Variants in TET3 observed in about 807,000 individuals in gnomAD.
TET3 encodes methylcytosine dioxygenase TET3.
In TET3, 19 loss-of-function variants were observed where a neutral mutation model predicts 141.4. The ratio of observed to expected loss-of-function variants is 0.13; its 90% CI spans 0.09 to 0.20. The LOEUF is 0.20. Among genes scored for constraint, TET3 ranks in the 10% least tolerant of loss-of-function variants. TET3 has a pLI of 1.00. For missense variants in TET3, 1,874 were observed against 2,356.9 expected, an observed-to-expected ratio of 0.80 and a Z score of 4.24; for synonymous variants, 1,043 against 980.9, an observed-to-expected ratio of 1.06 and a Z score of -1.18.
At chr2:74,083,859 A>G (rs991966292) in intron 6 of TET3, among the ~76,000 whole-genome samples, 2 of 152,174 alleles carry the variant, frequency 1.3e-5, no homozygotes, top group Non-Finnish European at 2.9e-5. Flanking sequence ...TGCCTCACAC[A>G]TGAGTGTGAT....
At chr2:74,001,316 TG>T (rs1186435169) in intron 2 of TET3, among the ~76,000 whole-genome samples, 1 of 152,154 alleles carries the variant, frequency 6.6e-6, no homozygotes, top group Admixed American at 6.5e-5. Context: ...AGCGAATCAC[TG>T]GGTCAGGGGC....
the TET3 span, chr2:74,134,579 G>A: frequency 2.4e-6 from 1 of 414,384 alleles, no homozygotes; most frequent in Non-Finnish European, 4.9e-6. Flanking sequence ...GCAAAGGAGT[G>A]TGAGAGAGGA....
intron 4 of TET3, among the ~76,000 whole-genome samples, chr2:74,060,941 G>A (rs1471755786): frequency 2.6e-5 from 4 of 152,172 alleles, no homozygotes; most frequent in Admixed American, 6.5e-5. Flanking sequence ...GCAACCATCC[G>A]ATTTCTCAAT....
intron 8 of TET3, among the ~76,000 whole-genome samples, chr2:74,091,477 G>T (rs76721198): frequency 0.018 from 2,774 of 152,306 alleles, 89 homozygotes; most frequent in African/African-American, 0.061. Flanking sequence ...AGCCCATGTG[G>T]CTAGTTCATG....
chr2:73,985,780 A>G (rs1351983245), intron 1 of TET3, among the ~76,000 whole-genome samples, 200 bp from the exon 2 acceptor site: 5 of 151,954 alleles, frequency 3.3e-5, no homozygotes, highest in African/African-American at 4.8e-5. Flanking sequence ...CAGGGCCCCC[A>G]GCAGCCCTCA....
chr2:74,054,636 T>C lies in TET3; in HGVS notation c.2494+6225T>C, dbSNP rs188776241. Among the ~76,000 whole-genome samples, 46 of 135,582 alleles carry C rather than the reference T, an allele frequency of 3.4e-4. No individual in the cohort carries two copies. In the East Asian group the frequency reaches 9.8e-3, roughly 29 times the overall value. The allele number at this position is 135,582 out of a possible 152,430, so 88.9% of individuals were successfully genotyped here. On this transcript the variant is annotated intron_variant, in intron 4 of 11. Coordinates refer to ENST00000409262, the MANE Select transcript of TET3 (RefSeq NM_001287491.2). ...CAAAAAGAAGCCCCAGAATGGAAGTTACCACCATTTAGGGGAGAGGAGCTC... is the reference window on the plus strand; with the variant it reads ...CAAAAAGAAGCCCCAGAATGGAAGTCACCACCATTTAGGGGAGAGGAGCTC...
At position 73,984,959 on chromosome 2, in the gene TET3, GCTGCCT is replaced by G. The variant is rs1683922707; in HGVS notation, c.-620_-615del. Reference sequence around the variant, plus strand: ...TGCTGCTGCTGCCGCCGCGGCCGCCGCTGCCTCTTCCTTCCTCCTGCGCCGTCCCCT... The same window carrying G: ...TGCTGCTGCTGCCGCCGCGGCCGCCGCTTCCTTCCTCCTGCGCCGTCCCCT... On this transcript the variant is annotated 5_prime_UTR_variant, in exon 1 of 12. Coordinates refer to ENST00000409262, the MANE Select transcript of TET3 (RefSeq NM_001287491.2). This position sits in a 1 kb window ranked among gnomAD's most constrained non-coding sequence, Gnocchi z 5.6. 6.8e-6 allele frequency among the ~76,000 whole-genome samples: 1 copy of G among 146,916 alleles called. No homozygotes were observed. Among genetic ancestry groups the G allele is most frequent in the South Asian group, 2.1e-4 (1 of 4,788 alleles).
chr2:73,992,880 G>A (rs1684405926), intron 2 of TET3, among the ~76,000 whole-genome samples: 1 of 152,266 alleles, frequency 6.6e-6, no homozygotes, highest in South Asian at 2.1e-4. Context: ...GGGTGCTTGT[G>A]GTTCTTTTCA....
the TET3 span, chr2:74,135,034 C>T: frequency 1.2e-5 from 3 of 248,914 alleles, no homozygotes; most frequent in Non-Finnish European, 1.6e-5. Flanking sequence ...GGGAGGTGGG[C>T]TCTGCCTCCT....
At chr2:74,005,185 C>T (rs989475019) in intron 3 of TET3, among the ~76,000 whole-genome samples, 2 of 152,178 alleles carry the variant, frequency 1.3e-5, no homozygotes, top group Non-Finnish European at 2.9e-5. Context: ...GCTGGTTTTC[C>T]GCAGTCCTGC....
Position 74,047,195 on chromosome 2 carries a change from A to G in TET3, c.1278A>G (p.Pro426=), listed in dbSNP as rs1291882486. ...CTCCTGATAGCTCTGCCTTCCCTCC[A>G]GCAACTCCTAGAACTGAGTTCCCTG... is the stretch of plus-strand genomic sequence containing the variant. ...SFAPDSSAFP[P]ATPRTEFPEA... Residue 426 remains proline (P), a synonymous_variant, in exon 4 of 12, where the codon CCA becomes CCG. Transcript: ENST00000409262. The G allele has an allele frequency of 6.2e-7, 1 of 1,613,808 alleles. No homozygotes were observed. Among genetic ancestry groups the G allele is most frequent in the African/African-American group, 1.3e-5 (1 of 74,888 alleles).
In TET3 at chr2:74,068,592, T is replaced by C. The variant is rs117259465; in HGVS notation, c.2495-4957T>C. Reference sequence around the variant, plus strand: ...TGTTACATAGGTCATTTTTTACATATACAATTATAACCAAATTCCTAGAAA... The same window carrying C: ...TGTTACATAGGTCATTTTTTACATACACAATTATAACCAAATTCCTAGAAA... On this transcript the variant is annotated intron_variant, in intron 4 of 11. Coordinates refer to ENST00000409262, the MANE Select transcript of TET3 (RefSeq NM_001287491.2). Among the ~76,000 whole-genome samples the C allele has an allele frequency of 2.1e-4, 32 of 152,380 alleles. 1 individual carries two copies. The East Asian group carries it at 5.6e-3, about 27-fold the overall frequency.
At chr2:73,990,419 G>A (rs1048649964) in intron 2 of TET3, among the ~76,000 whole-genome samples, 7 of 152,174 alleles carry the variant, frequency 4.6e-5, no homozygotes, top group African/African-American at 1.4e-4. Flanking sequence ...GAACCGTGGG[G>A]CAGAACAGTA....
chr2:73,995,203 G>A (rs1021176296), intron 2 of TET3, among the ~76,000 whole-genome samples: 2 of 152,144 alleles, frequency 1.3e-5, no homozygotes, highest in Admixed American at 6.5e-5. Flanking sequence ...CAGGCGATCC[G>A]CCTACCTTGG....
At position 74,052,755 on chromosome 2, in the gene TET3, A is replaced by G. The variant is rs187513656; in HGVS notation, c.2494+4344A>G. 4.7e-3 allele frequency among the ~76,000 whole-genome samples: 720 copies of G among 152,218 alleles called. 5 individuals are homozygous for G. Among genetic ancestry groups the G allele is most frequent in the African/African-American group, 0.017 (690 of 41,526 alleles). ...CATGGTGGCGGGTGCCTGTAATTCCAGTTACTCTGGAGGCTGAAGCAGAAG... is the reference window on the plus strand; with the variant it reads ...CATGGTGGCGGGTGCCTGTAATTCCGGTTACTCTGGAGGCTGAAGCAGAAG... On this transcript the variant is annotated intron_variant, in intron 4 of 11. Transcript: ENST00000409262.
intron 3 of TET3, among the ~76,000 whole-genome samples, chr2:74,030,285 G>A (rs1205635804): frequency 2.0e-5 from 3 of 152,132 alleles, no homozygotes; most frequent in South Asian, 4.1e-4. Flanking sequence ...TCATTTGTGT[G>A]CTTGGTTTTA....
At chr2:74,096,057 A>T (rs923475122) in intron 10 of TET3, among the ~76,000 whole-genome samples, 1 of 152,106 alleles carries the variant, frequency 6.6e-6, no homozygotes, top group African/African-American at 2.4e-5. Flanking sequence ...CGACTATCCT[A>T]TTTATGTACT....
the TET3 span, among the ~76,000 whole-genome samples, chr2:74,124,295 C>A: frequency 6.7e-6 from 1 of 149,958 alleles, no homozygotes; most frequent in Non-Finnish European, 1.5e-5. Flanking sequence ...CCAGCCACCC[C>A]GTCTGGGAGG....
chr2:74,101,640 A>G lies in TET3; in HGVS notation c.4852A>G (p.Ser1618Gly). The G allele has an allele frequency of 6.2e-7, 1 of 1,613,596 alleles. No individual in the cohort carries two copies. Among genetic ancestry groups the G allele is most frequent in the Non-Finnish European group, 8.5e-7 (1 of 1,179,776 alleles). The stretch of plus-strand genomic sequence containing the variant: ...GGAGGGGCCGGCTGAGGAGCCCCCC[A>G]GCAAGGGAGCGGTGAAGGAGGAGAA... The part of the protein sequence containing the change: ...LEEGPAEEPP[S>G]KGAVKEEKGG... The change falls in exon 12 of 12, where the codon AGC becomes GGC. Residue 1618 changes from serine to glycine, a missense_variant. Around this residue, in one of 10 missense-constraint regions of TET3, gnomAD observed 602 missense variants for 590.2 expected, o/e 1.02. Transcript: ENST00000409262. This position sits in a 1 kb window ranked among gnomAD's most constrained non-coding sequence, Gnocchi z 8.5.
Sources: allele counts gnomAD v4.1 joint callset (sites outside exome capture counted in the v4.1 genomes callset), GRCh38; gene constraint gnomAD v4.1.1; regional missense constraint gnomAD v4.1.1; non-coding constraint Gnocchi (gnomAD v3.1); transcripts MANE v1.5; gene names NCBI Gene and HGNC (gene_info 2026-07-23, HGNC 2026-07-21).